SLC24A5: variants seen among roughly 807,000 people sequenced by gnomAD.
SLC24A5 encodes solute carrier family 24 member 5.
A neutral mutation model predicts 51.6 loss-of-function variants in SLC24A5; 46 were observed. The ratio of observed to expected loss-of-function variants is 0.89; its 90% CI spans 0.70 to 1.14. The LOEUF (loss-of-function observed/expected upper bound fraction) is 1.14, where lower values mean the gene tolerates loss of function less well. Ranked by LOEUF, SLC24A5 falls within the 50% of genes most tolerant of loss-of-function variation. The probability of loss-of-function intolerance (pLI) is 0.00; values close to 1 mark genes in which losing one functional copy is unlikely to be tolerated. For synonymous variants in SLC24A5, 230 were observed against 214.9 expected, an observed-to-expected ratio of 1.07 and a Z score of -0.62; for missense variants, 581 against 604.1, an observed-to-expected ratio of 0.96 and a Z score of 0.40.
rs192004434 is a variant in SLC24A5 at position 48,127,270 on chromosome 15, A to G, written c.301+5234A>G. Among the ~76,000 whole-genome samples the G allele has an allele frequency of 6.0e-4, 91 of 152,334 alleles. No homozygotes were observed. The East Asian group carries it at 0.015, about 25-fold the overall frequency. On this transcript the variant is annotated intron_variant, in intron 2 of 8. Transcript: ENST00000341459. Reference sequence around the variant, plus strand: ...ACATTCACTGAATGTTCATTGTTACATAAGAACAGACTACAGAGGTTAGAA... The same window carrying G: ...ACATTCACTGAATGTTCATTGTTACGTAAGAACAGACTACAGAGGTTAGAA...
In SLC24A5 at chr15:48,136,925, T is replaced by TCTC. The variant is rs2038914950; in HGVS notation, c.834_836dup (p.Ser279dup). The TCTC allele has an allele frequency of 6.2e-7, 1 of 1,613,492 alleles. No individual in the cohort carries two copies. The highest frequency in any genetic ancestry group is 1.7e-5 in the Admixed American group (1 of 59,976). On this transcript the variant is annotated inframe_insertion, in exon 6 of 9. Coordinates refer to ENST00000341459, the MANE Select transcript of SLC24A5 (RefSeq NM_205850.3). ...TATGAAGATTCTGGCTACTCTCAGC[T>TCTC]CTCTATAAGTTTACATGGCCTTAGT...
At position 48,129,558 on chromosome 15, in the gene SLC24A5, G is replaced by A. The variant is rs113182462; in HGVS notation, c.302-4700G>A. Among the ~76,000 whole-genome samples the A allele has an allele frequency of 2.7e-3, 406 of 152,104 alleles. 1 individual carries two copies. The highest frequency in any genetic ancestry group is 9.4e-3 in the African/African-American group (389 of 41,514). On this transcript the variant is annotated intron_variant, in intron 2 of 8. Coordinates refer to ENST00000341459, the MANE Select transcript of SLC24A5 (RefSeq NM_205850.3). ...ACTTTTAAAAATGATGCCACAGGAC[G>A]CCAAATTGCATATAGCCTATGGCTG...
chr15:48,121,302 A>T (rs2038676819), intron 1 of SLC24A5, 137 bp downstream of exon 1: 1 of 937,374 alleles, frequency 1.1e-6, no homozygotes, highest in Non-Finnish European at 1.5e-6. Flanking sequence ...AGCATTTAAA[A>T]AGATATCAAA....
chr15:48,138,708 T>G (rs1567228713), intron 6 of SLC24A5: 1 of 380,594 alleles, frequency 2.6e-6, no homozygotes, highest in Non-Finnish European at 4.8e-6. Context: ...TACAATATAT[T>G]TAACGAATGG....
At chr15:48,141,075 C>T in intron 7 of SLC24A5, 38 bp from the exon 8 acceptor site, 1 of 1,520,650 alleles carries the variant, frequency 6.6e-7, no homozygotes, top group Non-Finnish European at 9.1e-7. Flanking sequence ...GTTAGTGAAT[C>T]TTTAAGATTT....
chr15:48,123,850 G>T (rs1320472800), intron 2 of SLC24A5: 1 of 151,890 alleles, frequency 6.6e-6, no homozygotes, highest in Non-Finnish European at 1.5e-5. Flanking sequence ...AATATCCTTG[G>T]TTGCTTTAAC....
chr15:48,122,681 C>G (rs2038692220), intron 2 of SLC24A5: 1 of 153,458 alleles, frequency 6.5e-6, no homozygotes, highest in Admixed American at 6.5e-5. Context: ...CCTCTGAGCT[C>G]TGTTCCTTCA....
intron 6 of SLC24A5, chr15:48,138,654 A>G: frequency 4.6e-6 from 1 of 217,248 alleles, no homozygotes; most frequent in Non-Finnish European, 9.3e-6. Context: ...GTTACTGAAG[A>G]CAATCCACAG....
At chr15:48,138,789 C>A in intron 6 of SLC24A5, 180 bp from the exon 7 acceptor site, 1 of 570,868 alleles carries the variant, frequency 1.8e-6, no homozygotes, top group South Asian at 2.4e-5. Flanking sequence ...CATTGTCTGC[C>A]CTAAAGTTTC....
chr15:48,139,243 T>G lies in SLC24A5; in HGVS notation c.1078+68T>G. The G allele has an allele frequency of 3.0e-6, 4 of 1,320,406 alleles. No individual in the cohort carries two copies. The Admixed American group carries it at 7.2e-5, about 24-fold the overall frequency. The allele number at this position is 1,320,406 out of a possible 1,614,324, so 81.8% of individuals were successfully genotyped here. On this transcript the variant is annotated intron_variant, in intron 7 of 8. Coordinates refer to ENST00000341459, the MANE Select transcript of SLC24A5 (RefSeq NM_205850.3). ...ATAAGAACAAATTGCATATGTTCAC[T>G]CAAAGTAGTCTAGCTACACAGCAAA...
intron 2 of SLC24A5, among the ~76,000 whole-genome samples, chr15:48,124,838 C>G (rs955200727): frequency 1.3e-5 from 2 of 152,110 alleles, no homozygotes; most frequent in African/African-American, 2.4e-5. Flanking sequence ...ATATCCATGC[C>G]ACTGCCAAAT....
Position 48,139,102 on chromosome 15 carries a change from G to C in SLC24A5, c.1005G>C (p.Val335=). Residue 335 remains valine (V), a synonymous_variant, in exon 7 of 9, where the codon GTG becomes GTC. Transcript: ENST00000341459. ...CRKKFWKNYF[V]ITFFMSAIWI... Reference sequence around the variant, plus strand: ...AAAAGTTTTGGAAAAACTACTTTGTGATAACCTTTTTCATGTCTGCAATAT... The same window carrying C: ...AAAAGTTTTGGAAAAACTACTTTGTCATAACCTTTTTCATGTCTGCAATAT... 1.9e-6 allele frequency: 3 copies of C among 1,613,134 alleles called. No individual in the cohort carries two copies. The highest frequency in any genetic ancestry group is 2.5e-6 in the Non-Finnish European group (3 of 1,179,384).
At chr15:48,139,951 C>A (rs2039011781) in intron 7 of SLC24A5, 1 of 152,072 alleles carries the variant, frequency 6.6e-6, no homozygotes, top group African/African-American at 2.4e-5. Flanking sequence ...ATAACTGCAA[C>A]AGAAATCACA....
At chr15:48,141,003 T>C (rs1197303696) in intron 7 of SLC24A5, 110 bp from the exon 8 acceptor site, 1 of 825,790 alleles carries the variant, frequency 1.2e-6, no homozygotes, top group Non-Finnish European at 1.9e-6. Context: ...GGCTCTGAAT[T>C]CTAAATGTGC....
At position 48,121,900 on chromosome 15, in the gene SLC24A5, C is replaced by G; in HGVS notation, c.165C>G (p.Pro55=). ...TTATTTCTCCATCATCGGAGTTTCC[C>G]GAAGGGTTTTTCACGAGACAGGAGC... ...QCVISPSSEF[P]EGFFTRQERR... is the part of the protein sequence containing the mutation. The change falls in exon 2 of 9, where the codon CCC becomes CCG. Residue 55 remains proline (P), a synonymous_variant. Transcript: ENST00000341459. 2 of 1,614,118 alleles carry G rather than the reference C, an allele frequency of 1.2e-6. No individual in the cohort carries two copies. The highest frequency in any genetic ancestry group is 2.2e-5 in the East Asian group (1 of 44,870).
In SLC24A5 at chr15:48,139,019, T is replaced by G. The variant is rs192454382; in HGVS notation, c.922T>G (p.Trp308Gly). Residue 308 changes from tryptophan to glycine, a missense_variant, in exon 7 of 9, where the codon TGG becomes GGG. Transcript: ENST00000341459. ...TGAAGCAGACTTAAAAAGAATTTTTTGGGTATTATCCCTTCCTATTATTAC... is the reference window on the plus strand; with the variant it reads ...TGAAGCAGACTTAAAAAGAATTTTTGGGGTATTATCCCTTCCTATTATTAC... ...MPEADLKRIF[W>G]VLSLPIITLL... is the part of the protein sequence containing the mutation. 8.6e-5 allele frequency: 139 copies of G among 1,613,076 alleles called. 1 individual carries two copies. In the East Asian group the frequency reaches 2.5e-3, roughly 29 times the overall value.
chr15:48,126,438 G>C (rs1050684533), intron 2 of SLC24A5, among the ~76,000 whole-genome samples: 3 of 152,146 alleles, frequency 2.0e-5, no homozygotes, highest in Admixed American at 6.5e-5. Flanking sequence ...GTTGTAGAGG[G>C]GACACAAATA....
In SLC24A5 at chr15:48,142,294, A is replaced by T. The variant is rs777129850; in HGVS notation, c.1446A>T (p.Ser482=). ...LLSYLGLATL[S]VLYELGIIGN... Reference sequence around the variant, plus strand: ...CATACTTGGGGCTTGCTACATTATCAGTTCTATATGAACTTGGAATTATTG... The same window carrying T: ...CATACTTGGGGCTTGCTACATTATCTGTTCTATATGAACTTGGAATTATTG... The change falls in exon 9 of 9, where the codon TCA becomes TCT. Residue 482 remains serine, a synonymous_variant. Coordinates refer to ENST00000341459, the MANE Select transcript of SLC24A5 (RefSeq NM_205850.3). 6.2e-7 allele frequency: 1 copy of T among 1,612,852 alleles called. No homozygotes were observed. Among genetic ancestry groups the T allele is most frequent in the Non-Finnish European group, 8.5e-7 (1 of 1,179,410 alleles).
chr15:48,132,990 A>G (rs1403531516), intron 2 of SLC24A5, among the ~76,000 whole-genome samples: 1 of 152,078 alleles, frequency 6.6e-6, no homozygotes, highest in Non-Finnish European at 1.5e-5. Context: ...CAAGAAACAC[A>G]AAAGGAATCA....
Sources: gnomAD v4.1 joint callset for allele counts (sites outside exome capture counted in the v4.1 genomes callset) on GRCh38, gnomAD v4.1.1 for gene constraint, MANE v1.5 for transcripts, NCBI Gene and HGNC (gene_info 2026-07-23, HGNC 2026-07-21) for gene names.